The following DENND1A variants were observed in gnomAD, a reference collection of about 807,000 sequenced individuals.
DENND1A encodes the protein DENN domain containing 1A.
Under a neutral mutation model 113.7 loss-of-function variants are expected in DENND1A, and 51 were observed. The ratio of observed to expected loss-of-function variants is 0.45; its 90% CI spans 0.36 to 0.57. The LOEUF (loss-of-function observed/expected upper bound fraction) is 0.57, where lower values mean the gene tolerates loss of function less well. DENND1A is among the 20% of genes least tolerant of loss of function. The pLI, the probability that DENND1A is intolerant of heterozygous loss-of-function variation, is 0.00. For synonymous variants in DENND1A, 565 were observed against 570.8 expected (o/e 0.99, Z 0.14); for missense variants, 1,258 against 1,395.9 (o/e 0.90, Z 1.57).
intron 13 of DENND1A, among the ~76,000 whole-genome samples, chr9:123,537,946 G>A (rs945948858): frequency 6.6e-6 from 1 of 152,242 alleles, no homozygotes; most frequent in Non-Finnish European, 1.5e-5. Context: ...AATGACTGCA[G>A]AGGCATCACC....
intron 19 of DENND1A, among the ~76,000 whole-genome samples, chr9:123,432,964 C>T (rs1425809330): frequency 6.6e-6 from 1 of 152,192 alleles, no homozygotes; most frequent in Non-Finnish European, 1.5e-5. Flanking sequence ...CATAGGGCCG[C>T]CCCTGAGGGA....
chr9:123,481,024 T>C (rs1177210309), intron 13 of DENND1A, among the ~76,000 whole-genome samples: 1 of 152,254 alleles, frequency 6.6e-6, no homozygotes, highest in Non-Finnish European at 1.5e-5. Flanking sequence ...ACTTTTTTTT[T>C]CTTATTGGAA....
intron 11 of DENND1A, among the ~76,000 whole-genome samples, chr9:123,605,669 A>G (rs1478562904): frequency 2.0e-5 from 3 of 152,258 alleles, no homozygotes; most frequent in Non-Finnish European, 4.4e-5. Context: ...GGACTCTGTA[A>G]GGTGACTAGG....
At chr9:123,791,393 C>A (rs1161412078) in intron 3 of DENND1A, among the ~76,000 whole-genome samples, 1 of 152,054 alleles carries the variant, frequency 6.6e-6, no homozygotes, top group Non-Finnish European at 1.5e-5. Context: ...AAATTTAACT[C>A]TCCTAGTAGA....
intron 19 of DENND1A, chr9:123,414,592 T>C: frequency 6.4e-7 from 1 of 1,550,474 alleles, no homozygotes; most frequent in African/African-American, 1.4e-5. Context: ...ACAACGCCTG[T>C]TAGCATAGCA....
intron 12 of DENND1A, among the ~76,000 whole-genome samples, chr9:123,560,329 C>T (rs1321327895): frequency 2.0e-5 from 3 of 152,194 alleles, no homozygotes; most frequent in African/African-American, 7.2e-5. Flanking sequence ...TACAGGAAAA[C>T]AATCCTTTGC....
At chr9:123,787,177 AT>A (rs1376490104) in intron 3 of DENND1A, among the ~76,000 whole-genome samples, 2 of 151,880 alleles carry the variant, frequency 1.3e-5, no homozygotes, top group Non-Finnish European at 2.9e-5. Flanking sequence ...TGCAAAAAAA[AT>A]CAAAATTTAT....
Position 123,401,467 on chromosome 9 carries a change from G to A in DENND1A, c.1631+1935C>T, listed in dbSNP as rs1399782154. The A allele has an allele frequency of 8.7e-6, 10 of 1,145,682 alleles. 1 individual carries two copies. The South Asian group carries it at 1.4e-4, about 17-fold the overall frequency. The allele number at this position is 1,145,682 out of a possible 1,614,324, so 71.0% of individuals were successfully genotyped here. On this transcript the variant is annotated intron_variant, in intron 21 of 23. Coordinates refer to ENST00000394215, the MANE Select transcript of DENND1A (RefSeq NM_001352964.2). Reference sequence around the variant, plus strand: ...TAAACAAACGTGAACAGAAACCCTTGGAATGATGTCCTGAAACGTACCCCT... The same window carrying A: ...TAAACAAACGTGAACAGAAACCCTTAGAATGATGTCCTGAAACGTACCCCT...
intron 5 of DENND1A, among the ~76,000 whole-genome samples, chr9:123,729,409 C>T (rs536384274): frequency 6.6e-6 from 1 of 152,298 alleles, no homozygotes; most frequent in South Asian, 2.1e-4. Context: ...GCAACTTCAG[C>T]AAAGTCTCAG....
At chr9:123,561,168 C>T (rs770944558) in intron 12 of DENND1A, among the ~76,000 whole-genome samples, 7 of 152,250 alleles carry the variant, frequency 4.6e-5, no homozygotes, top group Non-Finnish European at 1.0e-4. Context: ...TTATTCCTCA[C>T]TTAACCTTCC....
intron 13 of DENND1A, among the ~76,000 whole-genome samples, chr9:123,495,141 T>TTCTCTCTCTCTCTCTCTCTCTCTCTC (rs56390148): frequency 0.011 from 1,595 of 140,474 alleles, 77 homozygotes; most frequent in African/African-American, 0.033. Context: ...CATTGTCTCT[T>TTCTCTCTCTCTCTCTCTCTCTCTCTC]TCTCTCTCTC....
intron 1 of DENND1A, among the ~76,000 whole-genome samples, chr9:123,900,715 C>T (rs1422360835): frequency 6.6e-6 from 1 of 152,178 alleles, no homozygotes; most frequent in Non-Finnish European, 1.5e-5. Flanking sequence ...ACTTCAGTCA[C>T]TTCATTTGTA....
chr9:123,773,823 AG>A (rs763409039), intron 3 of DENND1A, among the ~76,000 whole-genome samples: 5 of 152,218 alleles, frequency 3.3e-5, no homozygotes, highest in African/African-American at 4.8e-5. Flanking sequence ...TACAGAATGC[AG>A]GGAGATGAGG....
intron 11 of DENND1A, among the ~76,000 whole-genome samples, chr9:123,596,997 T>C (rs561150516): frequency 9.1e-4 from 139 of 152,302 alleles, no homozygotes; most frequent in African/African-American, 3.2e-3. Context: ...AGTGAAACAA[T>C]AGAACTTGAA....
rs2130811151 is a variant in DENND1A at position 123,380,184 on chromosome 9, C to T, written c.*1248G>A. 1 of 152,480 alleles carries T rather than the reference C, an allele frequency of 6.6e-6. No individual in the cohort carries two copies. Among genetic ancestry groups the T allele is most frequent in the East Asian group, 1.9e-4 (1 of 5,190 alleles). 9.4% of individuals were successfully genotyped at this position (152,480 alleles called of 1,614,324 possible). On this transcript the variant is annotated 3_prime_UTR_variant, in exon 24 of 24. Transcript: ENST00000394215. ...ATGAGAGCTCGGGTCGAAATGCTCA[C>T]AATTTCCTGCGTGTCTCAGATGGTT...
At chr9:123,893,103 T>C (rs1292353566) in intron 1 of DENND1A, among the ~76,000 whole-genome samples, 1 of 149,174 alleles carries the variant, frequency 6.7e-6, no homozygotes, top group Non-Finnish European at 1.5e-5. Flanking sequence ...CAGGATTATA[T>C]GTTTTTAAAA....
chr9:123,888,538 A>C (rs1340005570), intron 1 of DENND1A, among the ~76,000 whole-genome samples: 1 of 152,218 alleles, frequency 6.6e-6, no homozygotes, highest in Non-Finnish European at 1.5e-5. Flanking sequence ...AAACTGCTGG[A>C]CCGCAAAGAG....
At chr9:123,653,141 T>C (rs2062747496) in intron 8 of DENND1A, among the ~76,000 whole-genome samples, 9 of 152,206 alleles carry the variant, frequency 5.9e-5, no homozygotes, top group Admixed American at 5.9e-4. Context: ...ACATGCAAAA[T>C]AGCACAAAGT....
intron 11 of DENND1A, 118 bp downstream of exon 11, chr9:123,609,318 C>T: frequency 9.0e-7 from 1 of 1,106,356 alleles, no homozygotes; most frequent in South Asian, 1.5e-5. Flanking sequence ...CTGGGAGGTG[C>T]TGCTTCAGCA....
Sources: gnomAD v4.1 joint callset for allele counts (sites outside exome capture counted in the v4.1 genomes callset) on GRCh38, gnomAD v4.1.1 for gene constraint, MANE v1.5 for transcripts, NCBI Gene and HGNC (gene_info 2026-07-23, HGNC 2026-07-21) for gene names.